Variants in KCNIP4 observed in about 807,000 individuals in gnomAD.
KCNIP4 encodes the protein potassium voltage-gated channel interacting protein 4.
KCNIP4 carries 12 observed loss-of-function variants against 34.0 expected under a neutral mutation model. The observed-to-expected ratio is 0.35, with a 90% CI of 0.23 to 0.57. The LOEUF is 0.57. Ranked by LOEUF, KCNIP4 falls within the 20% of genes least tolerant of loss-of-function variation. The pLI, the probability that KCNIP4 is intolerant of heterozygous loss-of-function variation, is 0.83. For synonymous variants in KCNIP4, 124 were observed against 102.2 expected, an observed-to-expected ratio of 1.21 and a Z score of -1.29; for missense variants, 238 against 311.7, an observed-to-expected ratio of 0.76 and a Z score of 1.78.
At chr4:21,086,664 A>G (rs1236059936) in intron 1 of KCNIP4, among the ~76,000 whole-genome samples, 1 of 152,092 alleles carries the variant, frequency 6.6e-6, no homozygotes, top group African/African-American at 2.4e-5. Flanking sequence ...CTCTGTCACA[A>G]TTAGAGAGGT....
intron 1 of KCNIP4, among the ~76,000 whole-genome samples, chr4:21,456,510 T>G (rs986916111): frequency 1.3e-5 from 2 of 148,342 alleles, no homozygotes; most frequent in African/African-American, 5.2e-5. Flanking sequence ...AATCAACTTA[T>G]TTTTTATGTC....
At chr4:21,922,982 T>C (rs1560183799) in intron 1 of KCNIP4, among the ~76,000 whole-genome samples, 1 of 152,222 alleles carries the variant, frequency 6.6e-6, no homozygotes, top group African/African-American at 2.4e-5. Flanking sequence ...AAGTATCTTA[T>C]GTGATTCAAT....
chr4:21,344,049 T>C (rs905629826), intron 1 of KCNIP4, among the ~76,000 whole-genome samples: 3 of 151,914 alleles, frequency 2.0e-5, no homozygotes, highest in Non-Finnish European at 2.9e-5. Flanking sequence ...TCTAGGAAAA[T>C]AGGTTAACAG....
intron 1 of KCNIP4, among the ~76,000 whole-genome samples, chr4:21,046,048 A>T (rs1336200730): frequency 6.6e-6 from 1 of 152,228 alleles, no homozygotes; most frequent in Non-Finnish European, 1.5e-5. Context: ...TCACAATGAC[A>T]ACAAAATTTA....
intron 5 of KCNIP4, among the ~76,000 whole-genome samples, chr4:20,747,212 T>C (rs1752577061): frequency 1.3e-5 from 2 of 152,198 alleles, no homozygotes; most frequent in East Asian, 3.9e-4. Context: ...TAAATTTACA[T>C]ATAAAATTGG....
At chr4:20,809,950 T>C (rs867530749) in intron 3 of KCNIP4, among the ~76,000 whole-genome samples, 1 of 152,162 alleles carries the variant, frequency 6.6e-6, no homozygotes, top group South Asian at 2.1e-4. Flanking sequence ...GCATGCTGTT[T>C]AGGGCAGGTA....
At chr4:21,050,018 T>C (rs1423090314) in intron 1 of KCNIP4, among the ~76,000 whole-genome samples, 1 of 152,182 alleles carries the variant, frequency 6.6e-6, no homozygotes, top group South Asian at 2.1e-4. Context: ...AATATACTCA[T>C]TGGTTTAAAA....
At chr4:20,887,526 G>C (rs553191220) in intron 1 of KCNIP4, among the ~76,000 whole-genome samples, 2 of 152,020 alleles carry the variant, frequency 1.3e-5, no homozygotes, top group African/African-American at 2.4e-5. Flanking sequence ...TACATACAAG[G>C]GTCAAATAAT....
intron 1 of KCNIP4, among the ~76,000 whole-genome samples, chr4:21,498,239 A>G (rs1304861882): frequency 1.3e-5 from 2 of 152,124 alleles, no homozygotes; most frequent in African/African-American, 2.4e-5. Context: ...ACTGAGAAAA[A>G]ATTTTCGTTA....
chr4:21,241,348 C>T (rs955202052), intron 1 of KCNIP4, among the ~76,000 whole-genome samples: 3 of 152,090 alleles, frequency 2.0e-5, no homozygotes, highest in Admixed American at 2.0e-4. Context: ...GTTTTCTTTG[C>T]AATCAGTTAA....
intron 3 of KCNIP4, among the ~76,000 whole-genome samples, chr4:20,806,831 G>A (rs372639679): frequency 3.7e-4 from 56 of 152,232 alleles, no homozygotes; most frequent in African/African-American, 1.3e-3. Flanking sequence ...ACTGGGTTTT[G>A]AAACAAGGGG....
chr4:21,659,185 C>A (rs1264666311), intron 1 of KCNIP4, among the ~76,000 whole-genome samples: 2 of 152,100 alleles, frequency 1.3e-5, no homozygotes, highest in Non-Finnish European at 2.9e-5. Context: ...CAGAGCATCT[C>A]ATTGCCTAAA....
intron 1 of KCNIP4, among the ~76,000 whole-genome samples, chr4:21,207,054 T>G (rs1480903436): frequency 1.3e-5 from 2 of 152,214 alleles, no homozygotes; most frequent in Non-Finnish European, 2.9e-5. Flanking sequence ...GCATTTACTT[T>G]CCTAGCCTCG....
intron 1 of KCNIP4, chr4:21,846,068 C>T (rs777615850): frequency 9.2e-5 from 14 of 151,936 alleles, no homozygotes; most frequent in Non-Finnish European, 1.8e-4. Flanking sequence ...AATATGGATG[C>T]TTCAATATTA....
At chr4:21,757,195 G>GA (rs1330713293) in intron 1 of KCNIP4, among the ~76,000 whole-genome samples, 5 of 39,016 alleles carry the variant, frequency 1.3e-4, no homozygotes, top group Admixed American at 8.0e-4. Flanking sequence ...AGGAAGGAAG[G>GA]AAGGAAAGAA....
chr4:21,057,120 T>G (rs183751749), intron 1 of KCNIP4, among the ~76,000 whole-genome samples: 183 of 152,230 alleles, frequency 1.2e-3, no homozygotes, highest in African/African-American at 4.0e-3. Flanking sequence ...GTGCCCAAAT[T>G]GTAAATGTAG....
At chr4:20,771,356 T>C (rs1755861237) in intron 3 of KCNIP4, among the ~76,000 whole-genome samples, 1 of 152,214 alleles carries the variant, frequency 6.6e-6, no homozygotes, top group East Asian at 1.9e-4. Context: ...GGACTCCTTA[T>C]GTGAGATTAC....
chr4:21,504,475 A>AAAAAAAAAAAAGAAAGAAAGAAAG (rs1264431211), intron 1 of KCNIP4, among the ~76,000 whole-genome samples: 44 of 101,852 alleles, frequency 4.3e-4, no homozygotes, highest in African/African-American at 1.7e-3. Flanking sequence ...CAAAAAAAAA[A>AAAAAAAAAAAAGAAAGAAAGAAAG]AAAGAAAGAA....
chr4:21,792,686 G>T (rs1325590614), intron 1 of KCNIP4, among the ~76,000 whole-genome samples: 1 of 152,194 alleles, frequency 6.6e-6, no homozygotes, highest in Non-Finnish European at 1.5e-5. Flanking sequence ...AGACAGAAAA[G>T]CCCAGACTTC....
Sources: allele counts gnomAD v4.1 joint callset (sites outside exome capture counted in the v4.1 genomes callset), GRCh38; gene constraint gnomAD v4.1.1; transcripts MANE v1.5; gene names NCBI Gene and HGNC (gene_info 2026-07-23, HGNC 2026-07-21).